Variants in FOXRED1 observed in about 807,000 individuals in gnomAD.
The protein encoded by FOXRED1 is FAD dependent oxidoreductase domain containing 1.
FOXRED1 carries 52 observed loss-of-function variants against 57.8 expected under a neutral mutation model. The ratio of observed to expected loss-of-function variants is 0.90; its 90% CI spans 0.72 to 1.13. FOXRED1 has a LOEUF of 1.13. Among genes scored for constraint, FOXRED1 ranks in the 50% most tolerant of loss-of-function variants. The pLI is 0.00. For synonymous variants in FOXRED1, 271 were observed against 248.3 expected, an observed-to-expected ratio of 1.09 and a Z score of -0.86; for missense variants, 589 against 625.2, an observed-to-expected ratio of 0.94 and a Z score of 0.62.
chr11:126,273,324 G>A lies in FOXRED1; in HGVS notation c.418-12G>A, dbSNP rs748813627. On this transcript the variant is annotated splice_polypyrimidine_tract_variant and intron_variant, in intron 3 of 10. Coordinates refer to ENST00000263578, the MANE Select transcript of FOXRED1 (RefSeq NM_017547.4). This position sits in a 1 kb window ranked among gnomAD's most constrained non-coding sequence, Gnocchi z 5.9. ...AAGTCAGTTTCTTTCAGGAGCTTCTGTCTGCACACAGGAGTACCTGGCCGT... is the reference window on the plus strand; with the variant it reads ...AAGTCAGTTTCTTTCAGGAGCTTCTATCTGCACACAGGAGTACCTGGCCGT... 6.3e-7 allele frequency: 1 copy of A among 1,588,274 alleles called. No individual in the cohort carries two copies. Among genetic ancestry groups the A allele is most frequent in the Non-Finnish European group, 8.6e-7 (1 of 1,156,550 alleles).
chr11:126,277,070 G>GCAGGAAGAA lies in FOXRED1; in HGVS notation c.1103_1111dup (p.Gln368_Glu370dup). ...AGCGTTGTCCCCACCTCTCACTCCA[G>GCAGGAAGAA]CAGGAAGAACCGGACCCGGCGAACC... On this transcript the variant is annotated inframe_insertion and splice_region_variant. Coordinates refer to ENST00000263578, the MANE Select transcript of FOXRED1 (RefSeq NM_017547.4). This position sits in a 1 kb window ranked among gnomAD's most constrained non-coding sequence, Gnocchi z 6.8. 2 of 1,601,510 alleles carry GCAGGAAGAA rather than the reference G, an allele frequency of 1.2e-6. No individual in the cohort carries two copies. The highest frequency in any genetic ancestry group is 1.7e-6 in the Non-Finnish European group (2 of 1,168,990).
Position 126,272,745 on chromosome 11 carries a change from G to A in FOXRED1, c.307-224G>A. On this transcript the variant is annotated intron_variant, in intron 2 of 10. Transcript: ENST00000263578. This position sits in a 1 kb window ranked among gnomAD's most constrained non-coding sequence, Gnocchi z 4.6. ...GGCCATTACCATTTTGTACCACTGT[G>A]TCAGCTCTTTCCAGATGACTGACCC... 1.6e-6 allele frequency: 1 copy of A among 613,196 alleles called. No individual in the cohort carries two copies. The allele number at this position is 613,196 out of a possible 1,614,324, so 38.0% of individuals were successfully genotyped here. A position where few individuals can be genotyped will look rare whatever the true frequency, so the allele number is the denominator to read the frequency against.
chr11:126,272,502 A>G lies in FOXRED1; in HGVS notation c.307-467A>G, dbSNP rs905370904. 3 of 239,258 alleles carry G rather than the reference A, an allele frequency of 1.3e-5. No individual in the cohort carries two copies. Among genetic ancestry groups the G allele is most frequent in the African/African-American group, 2.3e-5 (1 of 43,154 alleles). 14.8% of individuals were successfully genotyped at this position (239,258 alleles called of 1,614,324 possible). ...GAAATGGGGTTTTGCCACGTTGCCC[A>G]GCTGGTCTCAGATTCCTGAACTCAA... On this transcript the variant is annotated intron_variant, in intron 2 of 10. Transcript: ENST00000263578. The surrounding 1 kb of genome is among the most constrained non-coding windows in gnomAD (Gnocchi z 4.6).
rs952854300 is a variant in FOXRED1, at chr11:126,271,964, T to C, written c.306+307T>C. The C allele has an allele frequency of 4.0e-5, 7 of 175,716 alleles. No individual in the cohort carries two copies. The highest frequency in any genetic ancestry group is 9.9e-5 in the African/African-American group (4 of 40,536). 10.9% of individuals were successfully genotyped at this position (175,716 alleles called of 1,614,324 possible). On this transcript the variant is annotated intron_variant, in intron 2 of 10. Transcript: ENST00000263578. The surrounding 1 kb of genome is among the most constrained non-coding windows in gnomAD (Gnocchi z 5.3). ...ATAATTAAGTGTCTCAATTTTCTCT[T>C]TTTTTTTTTTTTTTTGAGACAGAGT... is the stretch of plus-strand genomic sequence containing the variant.
In FOXRED1 at chr11:126,276,992, G is replaced by C. The variant is rs1023818601; in HGVS notation, c.1102-79G>C. 4.5e-6 allele frequency: 4 copies of C among 895,514 alleles called. No homozygotes were observed. The African/African-American group carries it at 6.5e-5, about 15-fold the overall frequency. The allele number at this position is 895,514 out of a possible 1,614,324, so 55.5% of individuals were successfully genotyped here. On this transcript the variant is annotated intron_variant, in intron 9 of 10. Transcript: ENST00000263578. ...GACCATTTCTCCCCATCCCCTACCTGCACAGGGATTGTTAAACAAGTCTGG... is the reference window on the plus strand; with the variant it reads ...GACCATTTCTCCCCATCCCCTACCTCCACAGGGATTGTTAAACAAGTCTGG...
In FOXRED1 at chr11:126,269,183, A is replaced by T. The variant is rs745468406; in HGVS notation, c.-24A>T. On this transcript the variant is annotated 5_prime_UTR_variant, in exon 1 of 11. Transcript: ENST00000263578. ...ATAGCGAGGCAGCAGTGCAGCTTTC[A>T]GAGGGTCCGGGCTCAGAGGGGTTAT... 1.2e-5 allele frequency: 19 copies of T among 1,576,070 alleles called. No individual in the cohort carries two copies. Among genetic ancestry groups the T allele is most frequent in the Admixed American group, 6.7e-5 (4 of 59,974 alleles).
rs1591548232 is a variant in FOXRED1 at position 126,272,578 on chromosome 11, C to T, written c.307-391C>T. Reference sequence around the variant, plus strand: ...AAGTGCTGGGATTACAGGCATGAGCCACCCACCCGGCTGGTTTTTACACTT... The same window carrying T: ...AAGTGCTGGGATTACAGGCATGAGCTACCCACCCGGCTGGTTTTTACACTT... On this transcript the variant is annotated intron_variant, in intron 2 of 10. Transcript: ENST00000263578. This position sits in a 1 kb window ranked among gnomAD's most constrained non-coding sequence, Gnocchi z 4.6. 1.3e-5 allele frequency: 3 copies of T among 237,984 alleles called. No individual in the cohort carries two copies. Among genetic ancestry groups the T allele is most frequent in the South Asian group, 7.9e-5 (2 of 25,310 alleles). The allele number at this position is 237,984 out of a possible 1,614,324, so 14.7% of individuals were successfully genotyped here. A position where few individuals can be genotyped will look rare whatever the true frequency, so the allele number is the denominator to read the frequency against.
rs1404188196 is a variant in FOXRED1, at chr11:126,277,365, C to T, written c.1207-70C>T. 6.4e-7 allele frequency: 1 copy of T among 1,567,078 alleles called. No individual in the cohort carries two copies. Among genetic ancestry groups the T allele is most frequent in the African/African-American group, 1.4e-5 (1 of 74,052 alleles). On this transcript the variant is annotated intron_variant, in intron 10 of 10. Transcript: ENST00000263578. This position sits in a 1 kb window ranked among gnomAD's most constrained non-coding sequence, Gnocchi z 6.8. Reference sequence around the variant, plus strand: ...CAGGTAGAGGGTACTCTGTGCTGAGCCCTGAGGGGAGTGAGGATGGAGTGT... The same window carrying T: ...CAGGTAGAGGGTACTCTGTGCTGAGTCCTGAGGGGAGTGAGGATGGAGTGT...
In FOXRED1 at chr11:126,271,421, T is replaced by A; in HGVS notation, c.86-16T>A. 6.3e-7 allele frequency: 1 copy of A among 1,595,212 alleles called. No individual in the cohort carries two copies. The highest frequency in any genetic ancestry group is 8.6e-7 in the Non-Finnish European group (1 of 1,162,870). Reference sequence around the variant, plus strand: ...AAGGAAATGTTTGGCCCTCTGACCCTAACTACATCCCACAGACTGGGATGG... The same window carrying A: ...AAGGAAATGTTTGGCCCTCTGACCCAAACTACATCCCACAGACTGGGATGG... On this transcript the variant is annotated splice_polypyrimidine_tract_variant and intron_variant, in intron 1 of 10. Transcript: ENST00000263578. This position sits in a 1 kb window ranked among gnomAD's most constrained non-coding sequence, Gnocchi z 5.3.
In FOXRED1 at chr11:126,271,752, G is replaced by C; in HGVS notation, c.306+95G>C. Reference sequence around the variant, plus strand: ...CGACAAGGGAAGGAGAGGAGGGGAAGACCTCAATCTCGGAGGGTCCAACGG... The same window carrying C: ...CGACAAGGGAAGGAGAGGAGGGGAACACCTCAATCTCGGAGGGTCCAACGG... On this transcript the variant is annotated intron_variant, in intron 2 of 10. Coordinates refer to ENST00000263578, the MANE Select transcript of FOXRED1 (RefSeq NM_017547.4). This position sits in a 1 kb window ranked among gnomAD's most constrained non-coding sequence, Gnocchi z 5.3. The C allele has an allele frequency of 1.3e-4, 133 of 1,001,916 alleles. No homozygotes were observed. Among genetic ancestry groups the C allele is most frequent in the Non-Finnish European group, 1.9e-4 (119 of 641,288 alleles). 62.1% of individuals were successfully genotyped at this position (1,001,916 alleles called of 1,614,324 possible). A position where few individuals can be genotyped will look rare whatever the true frequency, so the allele number is the denominator to read the frequency against.
Position 126,275,516 on chromosome 11 carries a change from AG to A in FOXRED1, c.733+93del. On this transcript the variant is annotated intron_variant, in intron 6 of 10. Transcript: ENST00000263578. The surrounding 1 kb of genome is among the most constrained non-coding windows in gnomAD (Gnocchi z 5.9). Reference sequence around the variant, plus strand: ...CACTCACAAGCTAAGCAAGGGCTGGAGGGGGAAAGGGGTCTCCCTGAGAGCA... The same window carrying A: ...CACTCACAAGCTAAGCAAGGGCTGGAGGGGAAAGGGGTCTCCCTGAGAGCA... 1 of 962,604 alleles carries A rather than the reference AG, an allele frequency of 1.0e-6. No homozygotes were observed. The highest frequency in any genetic ancestry group is 1.7e-6 in the Non-Finnish European group (1 of 593,762). 59.6% of individuals were successfully genotyped at this position (962,604 alleles called of 1,614,324 possible). A position where few individuals can be genotyped will look rare whatever the true frequency, so the allele number is the denominator to read the frequency against.
Position 126,271,637 on chromosome 11 carries a change from G to C in FOXRED1, c.286G>C (p.Val96Leu), listed in dbSNP as rs772700388. 2.5e-6 allele frequency: 4 copies of C among 1,613,914 alleles called. No homozygotes were observed. In the South Asian group the frequency reaches 4.4e-5, roughly 18 times the overall value. The change falls in exon 2 of 11, where the codon GTG (valine) becomes CTG (leucine). Residue 96 changes from valine to leucine, a missense_variant. Physicochemically the swap from Val to Leu is conservative, Grantham distance 32. Transcript: ENST00000263578. The surrounding 1 kb of genome is among the most constrained non-coding windows in gnomAD (Gnocchi z 5.3). ...ESRRGAIRVL[V>L]VERDHTYSQA... Reference sequence around the variant, plus strand: ...CAGACGAGGTGCTATTCGAGTGCTAGTGGTGGAACGGGACCACACGGTGAG... The same window carrying C: ...CAGACGAGGTGCTATTCGAGTGCTACTGGTGGAACGGGACCACACGGTGAG...
In FOXRED1 at chr11:126,276,062, A is replaced by G. The variant is rs1565355902; in HGVS notation, c.814A>G (p.Lys272Glu). 1 of 1,612,764 alleles carries G rather than the reference A, an allele frequency of 6.2e-7. No individual in the cohort carries two copies. Residue 272 changes from lysine to glutamate, a missense_variant, in exon 8 of 11, where the codon AAG (lysine) becomes GAG (glutamate). Physicochemically the swap from Lys to Glu is moderately conservative, Grantham distance 56. Transcript: ENST00000263578. ...VLKRIHEVHV[K>E]MDRSLEYQPV... ...CCTCACCCTCTGGTGTCTGCAGGTGAAGATGGACCGCAGCCTGGAGTACCA... is the reference window on the plus strand; with the variant it reads ...CCTCACCCTCTGGTGTCTGCAGGTGGAGATGGACCGCAGCCTGGAGTACCA...
chr11:126,274,658 A>AT lies in FOXRED1; in HGVS notation c.537-269_537-268insT. 1 of 440,748 alleles carries AT rather than the reference A, an allele frequency of 2.3e-6. No individual in the cohort carries two copies. Among genetic ancestry groups the AT allele is most frequent in the Admixed American group, 3.4e-5 (1 of 28,994 alleles). 27.3% of individuals were successfully genotyped at this position (440,748 alleles called of 1,614,324 possible). On this transcript the variant is annotated intron_variant, in intron 4 of 10. Transcript: ENST00000263578. The surrounding 1 kb of genome is among the most constrained non-coding windows in gnomAD (Gnocchi z 4.8). ...GCCAGACTCATTGAAAAAAAAAAAA[A>AT]GAAGTCATGGAATAGACTGGGATAG...
At position 126,269,310 on chromosome 11, in the gene FOXRED1, G is replaced by T; in HGVS notation, c.85+19G>T. 1 of 1,614,126 alleles carries T rather than the reference G, an allele frequency of 6.2e-7. No individual in the cohort carries two copies. Among genetic ancestry groups the T allele is most frequent in the South Asian group, 1.1e-5 (1 of 91,092 alleles). ...TCTCTGGGTAAAGTTGAGGACGACA[G>T]AGGGTATTGTGGTTCTGGGTTGTCC... On this transcript the variant is annotated intron_variant, in intron 1 of 10. Transcript: ENST00000263578.
Position 126,275,335 on chromosome 11 carries a change from G to A in FOXRED1, c.640G>A (p.Asp214Asn), listed in dbSNP as rs1951099469. The change falls in exon 6 of 11, where the codon GAC (aspartate) becomes AAC (asparagine). Residue 214 changes from aspartate to asparagine, a missense_variant. Physicochemically the swap from Asp to Asn is conservative, Grantham distance 23. Transcript: ENST00000263578. The surrounding 1 kb of genome is among the most constrained non-coding windows in gnomAD (Gnocchi z 5.9). ...GVALASYGME[D>N]EGWFDPWCLL... is the part of the protein sequence containing the mutation. ...TCTTTTTCTTATCACAGGGATGGAG[G>A]ACGAAGGTTGGTTTGACCCCTGGTG... 3 of 1,611,622 alleles carry A rather than the reference G, an allele frequency of 1.9e-6. No individual in the cohort carries two copies. Among genetic ancestry groups the A allele is most frequent in the Non-Finnish European group, 2.5e-6 (3 of 1,177,760 alleles).
At position 126,269,648 on chromosome 11, in the gene FOXRED1, G is replaced by A. The variant is rs147836146; in HGVS notation, c.85+357G>A. On this transcript the variant is annotated intron_variant, in intron 1 of 10. Transcript: ENST00000263578. ...GGATTCAGTGAATGTTCTGGAAAATGGCTAGAGTGTACCTAGAGAGGGAAA... is the reference window on the plus strand; with the variant it reads ...GGATTCAGTGAATGTTCTGGAAAATAGCTAGAGTGTACCTAGAGAGGGAAA... Among the ~76,000 whole-genome samples the A allele has an allele frequency of 1.6e-4, 24 of 152,284 alleles. No individual in the cohort carries two copies. The East Asian group carries it at 2.7e-3, about 17-fold the overall frequency.
In FOXRED1 at chr11:126,273,008, T is replaced by C; in HGVS notation, c.346T>C (p.Cys116Arg). 6.2e-7 allele frequency: 1 copy of C among 1,608,846 alleles called. No homozygotes were observed. The highest frequency in any genetic ancestry group is 8.5e-7 in the Non-Finnish European group (1 of 1,175,058). Residue 116 changes from cysteine (C) to arginine (R), a missense_variant, in exon 3 of 11, where the codon TGT becomes CGT. By Grantham distance (180) the Cys-to-Arg change is radical (BLOSUM62 -3). Transcript: ENST00000263578. This position sits in a 1 kb window ranked among gnomAD's most constrained non-coding sequence, Gnocchi z 5.9. ...ASTGLSVGGI[C>R]QQFSLPENIQ... is the part of the protein sequence containing the mutation. Reference sequence around the variant, plus strand: ...CACTGGGCTCTCAGTAGGTGGGATTTGTCAGCAGTTCTCATTGCCTGAGAA... The same window carrying C: ...CACTGGGCTCTCAGTAGGTGGGATTCGTCAGCAGTTCTCATTGCCTGAGAA...
chr11:126,269,385 G>T, intron 1 of FOXRED1, 94 bp downstream of exon 1: 1 of 1,607,436 alleles, frequency 6.2e-7, no homozygotes, highest in Non-Finnish European at 8.5e-7. Context: ...GGCCCACACT[G>T]GCAGGACAGT....
Sources: allele counts gnomAD v4.1 joint callset (sites outside exome capture counted in the v4.1 genomes callset), GRCh38; gene constraint gnomAD v4.1.1; non-coding constraint Gnocchi (gnomAD v3.1); transcripts MANE v1.5; gene names NCBI Gene and HGNC (gene_info 2026-07-23, HGNC 2026-07-21).